SAMD4A: variants seen among roughly 807,000 people sequenced by gnomAD.
The protein encoded by SAMD4A is sterile alpha motif domain containing 4A, also known as protein Smaug homolog 1.
Under a neutral mutation model 81.3 loss-of-function variants are expected in SAMD4A, and 33 were observed. The ratio of observed to expected loss-of-function variants is 0.41; its 90% CI spans 0.31 to 0.54. The LOEUF (loss-of-function observed/expected upper bound fraction) is 0.54, where lower values mean the gene tolerates loss of function less well. SAMD4A is among the 20% of genes least tolerant of loss of function. The pLI is 0.37. For missense variants in SAMD4A, 854 were observed against 951.1 expected (o/e 0.90, Z 1.34); for synonymous variants, 389 against 382.1 (o/e 1.02, Z -0.21).
chr14:54,681,377 T>TTG (rs759500755), intron 2 of SAMD4A, among the ~76,000 whole-genome samples: 64 of 152,150 alleles, frequency 4.2e-4, no homozygotes, highest in South Asian at 8.3e-4. Context: ...GTAAATGTGA[T>TTG]TGTGTGTGTG....
chr14:54,600,023 C>T (rs546101684), intron 2 of SAMD4A, among the ~76,000 whole-genome samples: 7 of 152,302 alleles, frequency 4.6e-5, no homozygotes, highest in African/African-American at 1.2e-4. Flanking sequence ...AATTCTACTC[C>T]AAACCTTGTA....
chr14:54,630,568 T>C lies in SAMD4A; in HGVS notation c.196+62456T>C, dbSNP rs78301107. Among the ~76,000 whole-genome samples the C allele has an allele frequency of 9.6e-3, 1,469 of 152,306 alleles. 23 individuals carry two copies. Among genetic ancestry groups the C allele is most frequent in the African/African-American group, 0.034 (1,402 of 41,564 alleles). On this transcript the variant is annotated intron_variant, in intron 2 of 12. Coordinates refer to ENST00000554335, the MANE Select transcript of SAMD4A (RefSeq NM_015589.6). Reference sequence around the variant, plus strand: ...TGCATTGTAGGAGTTCTTTATATATTCTGAGTATTAACCCCTTATCAGATA... The same window carrying C: ...TGCATTGTAGGAGTTCTTTATATATCCTGAGTATTAACCCCTTATCAGATA...
At chr14:54,647,463 A>G (rs1296933368) in intron 2 of SAMD4A, among the ~76,000 whole-genome samples, 2 of 152,208 alleles carry the variant, frequency 1.3e-5, no homozygotes, top group Non-Finnish European at 2.9e-5. Context: ...CCTTATGAAA[A>G]CACACTTTTT....
intron 4 of SAMD4A, among the ~76,000 whole-genome samples, chr14:54,746,629 A>G (rs769047999): frequency 6.6e-5 from 10 of 152,222 alleles, no homozygotes; most frequent in Non-Finnish European, 1.2e-4. Context: ...TTGGTTTATA[A>G]AGCACCATGT....
At chr14:54,669,445 CTTTTTTTTTTT>C (rs11406251) in intron 2 of SAMD4A, among the ~76,000 whole-genome samples, 3 of 103,336 alleles carry the variant, frequency 2.9e-5, no homozygotes, top group Non-Finnish European at 5.6e-5. Context: ...ACGCTTCTTT[CTTTTTTTTTTT>C]TTTTTTTTTT....
intron 3 of SAMD4A, among the ~76,000 whole-genome samples, chr14:54,720,593 G>A (rs1043482689): frequency 1.3e-5 from 2 of 152,126 alleles, no homozygotes; most frequent in African/African-American, 2.4e-5. Context: ...GCCTTACTGC[G>A]AGGGTCCTAG....
intron 2 of SAMD4A, among the ~76,000 whole-genome samples, chr14:54,640,299 T>C (rs1303004454): frequency 6.6e-6 from 1 of 152,248 alleles, no homozygotes; most frequent in Non-Finnish European, 1.5e-5. Context: ...TAAATCCGTT[T>C]CATAACTGTA....
At position 54,791,469 on chromosome 14, in the gene SAMD4A, A is replaced by C. The variant is rs1164367285; in HGVS notation, c.*2525A>C. On this transcript the variant is annotated 3_prime_UTR_variant, in exon 13 of 13. Transcript: ENST00000554335. ...CTATTTATTCCTTCACTGAATATAGAAACAATGGTTATCTGATTATTAGAG... is the reference window on the plus strand; with the variant it reads ...CTATTTATTCCTTCACTGAATATAGCAACAATGGTTATCTGATTATTAGAG... 1 of 152,358 alleles carries C rather than the reference A, an allele frequency of 6.6e-6. No individual in the cohort carries two copies. The highest frequency in any genetic ancestry group is 2.1e-4 in the South Asian group (1 of 4,828). 9.4% of individuals were successfully genotyped at this position (152,358 alleles called of 1,614,324 possible).
intron 7 of SAMD4A, among the ~76,000 whole-genome samples, chr14:54,763,817 A>G (rs2038467577): frequency 6.6e-6 from 1 of 152,194 alleles, no homozygotes; most frequent in Non-Finnish European, 1.5e-5. Context: ...GTGCGTGTGT[A>G]TACTCTACCC....
Position 54,567,902 on chromosome 14 carries a change from G to C in SAMD4A, c.-15G>C. 2.5e-6 allele frequency: 4 copies of C among 1,601,760 alleles called. No homozygotes were observed. The highest frequency in any genetic ancestry group is 3.4e-6 in the Non-Finnish European group (4 of 1,178,056). On this transcript the variant is annotated 5_prime_UTR_variant, in exon 2 of 13. Coordinates refer to ENST00000554335, the MANE Select transcript of SAMD4A (RefSeq NM_015589.6). ...CGCCCAGGGGGCTCTGTAGACCGAG[G>C]GCGGCCCCCTAACCATGATGTTTCG...
intron 6 of SAMD4A, among the ~76,000 whole-genome samples, chr14:54,752,288 A>C (rs924655201): frequency 1.3e-5 from 2 of 152,188 alleles, no homozygotes; most frequent in South Asian, 2.1e-4. Flanking sequence ...ACATGATTTC[A>C]TCTAAGATCC....
chr14:54,664,323 G>A (rs1386162843), intron 2 of SAMD4A, among the ~76,000 whole-genome samples: 1 of 152,160 alleles, frequency 6.6e-6, no homozygotes, highest in Non-Finnish European at 1.5e-5. Context: ...AGTTTGAGAT[G>A]AGTATACACT....
chr14:54,672,453 T>C (rs1014155505), intron 2 of SAMD4A, among the ~76,000 whole-genome samples: 4 of 152,162 alleles, frequency 2.6e-5, no homozygotes, highest in Admixed American at 6.5e-5. Flanking sequence ...CTTCTACCTA[T>C]CTATAGCTGG....
chr14:54,716,729 T>C (rs2037127786), intron 3 of SAMD4A, among the ~76,000 whole-genome samples: 1 of 152,204 alleles, frequency 6.6e-6, no homozygotes, highest in African/African-American at 2.4e-5. Flanking sequence ...TGGCAATGTG[T>C]CTAACAGTCT....
At chr14:54,700,250 A>G (rs1324754532) in intron 2 of SAMD4A, among the ~76,000 whole-genome samples, 1 of 152,160 alleles carries the variant, frequency 6.6e-6, no homozygotes, top group African/African-American at 2.4e-5. Context: ...GGAGGGGCAG[A>G]TGCTATTTGG....
intron 2 of SAMD4A, among the ~76,000 whole-genome samples, chr14:54,609,090 T>C (rs568060570): frequency 6.6e-6 from 1 of 152,338 alleles, no homozygotes; most frequent in East Asian, 1.9e-4. Context: ...TTATGTTACA[T>C]GGAGTAGGGG....
chr14:54,627,275 A>G lies in SAMD4A; in HGVS notation c.196+59163A>G, dbSNP rs145974882. 8.9e-4 allele frequency among the ~76,000 whole-genome samples: 135 copies of G among 152,104 alleles called. 1 individual carries two copies. The highest frequency in any genetic ancestry group is 3.0e-3 in the African/African-American group (126 of 41,500). On this transcript the variant is annotated intron_variant, in intron 2 of 12. Transcript: ENST00000554335. ...GAGGGGTGCTTCTGACTTTTTTTTT[A>G]AAGAAATTTTGTCATACAACTCCCC...
At chr14:54,757,066 A>G (rs1326888815) in intron 6 of SAMD4A, among the ~76,000 whole-genome samples, 3 of 152,228 alleles carry the variant, frequency 2.0e-5, no homozygotes, top group Non-Finnish European at 4.4e-5. Context: ...GTCAACAAGG[A>G]GAATTAATTC....
chr14:54,633,801 T>G (rs569651300), intron 2 of SAMD4A, among the ~76,000 whole-genome samples: 1 of 152,316 alleles, frequency 6.6e-6, no homozygotes, highest in African/African-American at 2.4e-5. Context: ...CACATTTTCA[T>G]ATGGTGGTTA....
Sources: allele counts gnomAD v4.1 joint callset (sites outside exome capture counted in the v4.1 genomes callset), GRCh38; gene constraint gnomAD v4.1.1; transcripts MANE v1.5; gene names NCBI Gene and HGNC (gene_info 2026-07-23, HGNC 2026-07-21).